LAMA2: variants seen among roughly 807,000 people sequenced by gnomAD.
LAMA2 encodes the protein laminin subunit alpha-2.
Under a neutral mutation model 364.8 loss-of-function variants are expected in LAMA2, and 269 were observed. The ratio of observed to expected loss-of-function variants is 0.74; its 90% confidence interval spans 0.67 to 0.82. The LOEUF is 0.82. Among genes scored for constraint, LAMA2 ranks in the 40% least tolerant of loss-of-function variants. The pLI, the probability that LAMA2 is intolerant of heterozygous loss-of-function variation, is 0.00. For synonymous variants in LAMA2, 1,379 were observed against 1,370.6 expected, an observed-to-expected ratio of 1.01 and a Z score of -0.14; for missense variants, 3,807 against 3,873.2, an observed-to-expected ratio of 0.98 and a Z score of 0.45.
chr6:129,125,950 C>A (rs1777091385), intron 4 of LAMA2, among the ~76,000 whole-genome samples: 1 of 151,924 alleles, frequency 6.6e-6, no homozygotes, highest in Non-Finnish European at 1.5e-5. Flanking sequence ...AAATAAAAAG[C>A]CATCAAAAAA....
Position 129,403,865 on chromosome 6 carries a change from C to T in LAMA2, c.5771C>T (p.Ala1924Val). Residue 1924 changes from alanine to valine, a missense_variant, in exon 40 of 65, where the codon GCC (alanine) becomes GTC (valine). Transcript: ENST00000421865. ...AACATCTCCTTCAATGCCACTGCAG[C>T]CTTCAAAGCTTACAGCAATATTAAG... ...AKNISFNATAAFKAYSNIKDY... is the reference protein window; with the variant it reads ...AKNISFNATAVFKAYSNIKDY... 6.2e-7 allele frequency: 1 copy of T among 1,613,752 alleles called. No homozygotes were observed. The highest frequency in any genetic ancestry group is 8.5e-7 in the Non-Finnish European group (1 of 1,179,736).
chr6:129,311,235 C>A (rs1334814233), intron 22 of LAMA2, among the ~76,000 whole-genome samples: 3 of 152,072 alleles, frequency 2.0e-5, no homozygotes, highest in Non-Finnish European at 4.4e-5. Flanking sequence ...CATTCTCCTG[C>A]CTCAGCCTCA....
rs572474775 is a variant in LAMA2 at position 128,967,301 on chromosome 6, A to T, written c.113-82617A>T. 5.9e-5 allele frequency among the ~76,000 whole-genome samples: 9 copies of T among 152,358 alleles called. No individual in the cohort carries two copies. The East Asian group carries it at 1.5e-3, about 26-fold the overall frequency. ...CTTAAAGAGAAATATAAATGAAATA[A>T]GTTCTAAAAGGAAAAGAAAACAAAG... On this transcript the variant is annotated intron_variant, in intron 1 of 64. Transcript: ENST00000421865.
chr6:129,432,466 A>G (rs1484386393), intron 41 of LAMA2, among the ~76,000 whole-genome samples: 3 of 152,196 alleles, frequency 2.0e-5, no homozygotes, highest in Non-Finnish European at 4.4e-5. Context: ...GCAAGAGACA[A>G]AGGCCTGTGC....
At chr6:128,974,906 C>T (rs1299018151) in intron 1 of LAMA2, among the ~76,000 whole-genome samples, 1 of 149,624 alleles carries the variant, frequency 6.7e-6, no homozygotes, top group Non-Finnish European at 1.5e-5. Context: ...GGCTGGAGTG[C>T]AGTGGCACGA....
intron 32 of LAMA2, among the ~76,000 whole-genome samples, chr6:129,363,976 C>A (rs1176779564): frequency 6.6e-6 from 1 of 152,156 alleles, no homozygotes; most frequent in Non-Finnish European, 1.5e-5. Context: ...TTCATTCTGG[C>A]TAGGAGAAGA....
intron 4 of LAMA2, among the ~76,000 whole-genome samples, chr6:129,129,136 T>C (rs1261112188): frequency 6.6e-6 from 1 of 152,204 alleles, no homozygotes; most frequent in Non-Finnish European, 1.5e-5. Context: ...TTAATTTTTG[T>C]GATCTAATTT....
intron 15 of LAMA2, among the ~76,000 whole-genome samples, chr6:129,263,638 T>A (rs1787294068): frequency 7.3e-6 from 1 of 136,650 alleles, no homozygotes. Context: ...TTTGCACATA[T>A]GATAAGAAAT....
chr6:129,074,836 A>G (rs1463683125), intron 3 of LAMA2, among the ~76,000 whole-genome samples: 1 of 152,236 alleles, frequency 6.6e-6, no homozygotes, highest in African/African-American at 2.4e-5. Context: ...TGGCATATAA[A>G]GTAGGCCTAA....
chr6:129,070,363 A>T (rs183932333), intron 3 of LAMA2, among the ~76,000 whole-genome samples: 1 of 152,260 alleles, frequency 6.6e-6, no homozygotes, highest in East Asian at 1.9e-4. Flanking sequence ...AAAATAACAA[A>T]ACAAAAGCTC....
chr6:129,490,588 T>C (rs113221797), intron 56 of LAMA2: 3 of 152,186 alleles, frequency 2.0e-5, no homozygotes, highest in Non-Finnish European at 2.9e-5. Flanking sequence ...CCCTGTGATA[T>C]CATGTTGCTA....
At chr6:129,299,874 T>C (rs190998786) in intron 21 of LAMA2, among the ~76,000 whole-genome samples, 1 of 152,294 alleles carries the variant, frequency 6.6e-6, no homozygotes, top group Admixed American at 6.5e-5. Flanking sequence ...ATATAACCAA[T>C]TAAAAGTTTA....
Position 129,260,698 on chromosome 6 carries a change from TC to T in LAMA2, c.2097-11del. On this transcript the variant is annotated splice_polypyrimidine_tract_variant and intron_variant, in intron 14 of 64. Coordinates refer to ENST00000421865, the MANE Select transcript of LAMA2 (RefSeq NM_000426.4). ...CTTTACTTATTCACCATCTCTTTTTTCCTCTGCCATAGGTTGAGCTCTGTTA... is the reference window on the plus strand; with the variant it reads ...CTTTACTTATTCACCATCTCTTTTTTCTCTGCCATAGGTTGAGCTCTGTTA... 2 of 1,518,420 alleles carry T rather than the reference TC, an allele frequency of 1.3e-6. No homozygotes were observed. Among genetic ancestry groups the T allele is most frequent in the Non-Finnish European group, 1.8e-6 (2 of 1,093,060 alleles). 94.1% of individuals were successfully genotyped at this position (1,518,420 alleles called of 1,614,324 possible).
chr6:129,085,308 C>T lies in LAMA2; in HGVS notation c.397-12865C>T, dbSNP rs117466593. On this transcript the variant is annotated intron_variant, in intron 3 of 64. Transcript: ENST00000421865. ...ATGTTAAGGGATGATTGAATGCTCA[C>T]AGCAGGACACATGGCATTACAGAAA... Among the ~76,000 whole-genome samples, 602 of 152,306 alleles carry T rather than the reference C, an allele frequency of 4.0e-3. 2 individuals are homozygous for T. The highest frequency in any genetic ancestry group is 5.5e-3 in the Non-Finnish European group (376 of 68,024).
chr6:128,974,938 G>A (rs1334578269), intron 1 of LAMA2, among the ~76,000 whole-genome samples: 12 of 150,544 alleles, frequency 8.0e-5, no homozygotes, highest in South Asian at 2.1e-4. Context: ...TGCAAGCTCC[G>A]CCTCACGGGT....
intron 12 of LAMA2, among the ~76,000 whole-genome samples, chr6:129,224,695 T>C (rs1784127476): frequency 6.6e-6 from 1 of 152,184 alleles, no homozygotes; most frequent in South Asian, 2.1e-4. Flanking sequence ...CACTTGATCG[T>C]GGTGGATAAG....
chr6:129,222,401 G>T (rs977730728), intron 12 of LAMA2, among the ~76,000 whole-genome samples: 4 of 151,434 alleles, frequency 2.6e-5, no homozygotes, highest in Non-Finnish European at 5.9e-5. Context: ...GTGCAGGTTT[G>T]TTATGTATGT....
intron 3 of LAMA2, among the ~76,000 whole-genome samples, chr6:129,090,947 T>C (rs1355598138): frequency 6.6e-6 from 1 of 152,188 alleles, no homozygotes; most frequent in African/African-American, 2.4e-5. Flanking sequence ...ACTATAGCAA[T>C]TTACTCCATG....
chr6:129,238,275 T>C (rs1785141079), intron 12 of LAMA2, among the ~76,000 whole-genome samples: 1 of 152,042 alleles, frequency 6.6e-6, no homozygotes, highest in Admixed American at 6.6e-5. Context: ...CAAGAATAAT[T>C]AGGAGAGGAA....
Sources: gnomAD v4.1 joint callset for allele counts (sites outside exome capture counted in the v4.1 genomes callset) on GRCh38, gnomAD v4.1.1 for gene constraint, MANE v1.5 for transcripts, NCBI Gene and HGNC (gene_info 2026-07-23, HGNC 2026-07-21) for gene names.